Variants in NRXN3 observed in about 807,000 individuals in gnomAD.
The protein encoded by NRXN3 is neurexin 3, also known as neurexin III.
In NRXN3, 32 loss-of-function variants were observed where a neutral mutation model predicts 137.6. The observed-to-expected ratio is 0.23, with a 90% CI of 0.18 to 0.31. The LOEUF is 0.31. Ranked by LOEUF, NRXN3 falls within the 10% of genes least tolerant of loss-of-function variation. NRXN3 has a pLI of 1.00. For missense variants in NRXN3, 1,574 were observed against 2,062.5 expected (o/e 0.76, Z 4.59); for synonymous variants, 798 against 784.5 (o/e 1.02, Z -0.29).
chr14:78,297,460 G>C (rs146898655), intron 3 of NRXN3, among the ~76,000 whole-genome samples: 2 of 152,268 alleles, frequency 1.3e-5, no homozygotes, highest in African/African-American at 4.8e-5. Context: ...TTTACCTGGC[G>C]TCTTAAGTCT....
At chr14:78,527,016 C>A (rs2153808049) in intron 4 of NRXN3, among the ~76,000 whole-genome samples, 1 of 152,244 alleles carries the variant, frequency 6.6e-6, no homozygotes, top group Non-Finnish European at 1.5e-5. Flanking sequence ...TAATCTAGAG[C>A]TGGATAGAAA....
At chr14:79,356,076 AT>A (rs967017059) in intron 15 of NRXN3, among the ~76,000 whole-genome samples, 14 of 151,936 alleles carry the variant, frequency 9.2e-5, no homozygotes, top group East Asian at 1.9e-4. Context: ...TTAGTTTTGT[AT>A]TTTTTTTCCA....
chr14:79,725,093 C>G (rs1018573846), intron 19 of NRXN3, among the ~76,000 whole-genome samples: 4 of 152,086 alleles, frequency 2.6e-5, no homozygotes, highest in African/African-American at 9.7e-5. Context: ...GTGCCAGGTG[C>G]AGAAGTTGCA....
At chr14:79,473,789 G>A (rs1216796138) in intron 16 of NRXN3, among the ~76,000 whole-genome samples, 1 of 94,598 alleles carries the variant, frequency 1.1e-5, no homozygotes, top group East Asian at 1.9e-4. Context: ...TCTGAGCTTA[G>A]GAGTTTTTCC....
intron 4 of NRXN3, among the ~76,000 whole-genome samples, chr14:78,307,005 A>T (rs2077434931): frequency 6.6e-6 from 1 of 152,076 alleles, no homozygotes; most frequent in South Asian, 2.1e-4. Flanking sequence ...TAATTTTTTT[A>T]TTTTAAAGGG....
chr14:78,550,244 A>G (rs916598861), intron 4 of NRXN3, among the ~76,000 whole-genome samples: 6 of 152,060 alleles, frequency 3.9e-5, no homozygotes, highest in Admixed American at 2.6e-4. Context: ...CATATTTCCC[A>G]GGCTGGAATT....
intron 20 of NRXN3, among the ~76,000 whole-genome samples, chr14:79,827,175 C>T (rs67488951): frequency 0.12 from 18,992 of 152,034 alleles, 1,427 homozygotes; most frequent in Middle Eastern, 0.22. Context: ...TGATGACAAA[C>T]GTTGATGAAG....
chr14:79,432,686 T>C (rs1174177387), intron 15 of NRXN3, among the ~76,000 whole-genome samples: 1 of 152,212 alleles, frequency 6.6e-6, no homozygotes, highest in Non-Finnish European at 1.5e-5. Flanking sequence ...AAATAAGGTT[T>C]TAGTGATAAT....
intron 4 of NRXN3, among the ~76,000 whole-genome samples, chr14:78,436,841 CA>C (rs1465455655): frequency 6.6e-6 from 1 of 152,152 alleles, no homozygotes; most frequent in East Asian, 1.9e-4. Flanking sequence ...TCATGGCCAT[CA>C]TTTATTTAGC....
chr14:79,350,758 G>A (rs2093166862), intron 15 of NRXN3, among the ~76,000 whole-genome samples: 2 of 152,088 alleles, frequency 1.3e-5, no homozygotes, highest in Non-Finnish European at 2.9e-5. Context: ...GGTTAGGTCA[G>A]TGGCACCTTT....
At chr14:79,429,790 G>A (rs1336248330) in intron 15 of NRXN3, among the ~76,000 whole-genome samples, 2 of 152,178 alleles carry the variant, frequency 1.3e-5, no homozygotes, top group African/African-American at 4.8e-5. Context: ...AAATAAGTGA[G>A]TATCCTTCTA....
chr14:78,900,951 G>A (rs1007941990), intron 10 of NRXN3, among the ~76,000 whole-genome samples: 4 of 151,958 alleles, frequency 2.6e-5, no homozygotes, highest in Non-Finnish European at 4.4e-5. Context: ...CAAATGACTC[G>A]CCCAACATCA....
chr14:79,069,979 A>G (rs199776382), intron 15 of NRXN3, among the ~76,000 whole-genome samples: 78 of 152,306 alleles, frequency 5.1e-4, no homozygotes, highest in African/African-American at 1.8e-3. Context: ...ATGACAGTCA[A>G]CATTTTTCCT....
chr14:78,797,389 C>G (rs4903802), intron 8 of NRXN3, among the ~76,000 whole-genome samples: 112,954 of 152,112 alleles, frequency 0.74, 45,981 homozygotes, highest in Non-Finnish European at 0.91. Context: ...ATAGAAACTG[C>G]CTTTGAGTGG....
rs1286623352 is a variant in NRXN3 at position 79,866,777 on chromosome 14, T to G, written c.*4813T>G. The G allele has an allele frequency of 6.6e-6, 1 of 152,288 alleles. No individual in the cohort carries two copies. The highest frequency in any genetic ancestry group is 1.9e-4 in the East Asian group (1 of 5,174). 9.4% of individuals were successfully genotyped at this position (152,288 alleles called of 1,614,324 possible). On this transcript the variant is annotated 3_prime_UTR_variant, in exon 21 of 21. Transcript: ENST00000335750. ...GATGTTTATCTGGGGGAAAAAGGCATAAGTCAATCTTCTTGGAGAGAATGG... is the reference window on the plus strand; with the variant it reads ...GATGTTTATCTGGGGGAAAAAGGCAGAAGTCAATCTTCTTGGAGAGAATGG...
At chr14:78,924,934 C>A (rs1244670854) in intron 10 of NRXN3, among the ~76,000 whole-genome samples, 1 of 152,188 alleles carries the variant, frequency 6.6e-6, no homozygotes, top group East Asian at 1.9e-4. Context: ...AACAGGAGCA[C>A]CCTTCCGAAA....
intron 16 of NRXN3, among the ~76,000 whole-genome samples, chr14:79,497,057 A>G (rs192986103): frequency 3.9e-4 from 59 of 152,336 alleles, no homozygotes; most frequent in African/African-American, 1.3e-3. Flanking sequence ...TTCCAAGCTT[A>G]TATGTGTGAT....
chr14:79,216,322 G>A (rs2068495536), intron 15 of NRXN3, among the ~76,000 whole-genome samples: 2 of 152,152 alleles, frequency 1.3e-5, no homozygotes, highest in African/African-American at 4.8e-5. Context: ...AGAACCAGGT[G>A]GAAGCTGCAT....
intron 15 of NRXN3, among the ~76,000 whole-genome samples, chr14:79,259,910 A>G (rs546410557): frequency 4.3e-4 from 65 of 152,138 alleles, no homozygotes; most frequent in African/African-American, 1.6e-3. Context: ...AAATCAATCT[A>G]ATTTCTCCTA....
Sources: allele counts gnomAD v4.1 joint callset (sites outside exome capture counted in the v4.1 genomes callset), GRCh38; gene constraint gnomAD v4.1.1; transcripts MANE v1.5; gene names NCBI Gene and HGNC (gene_info 2026-07-23, HGNC 2026-07-21).